Variants in CACNB1 observed in about 807,000 individuals in gnomAD.
CACNB1 encodes the protein calcium voltage-gated channel auxiliary subunit beta 1.
CACNB1 carries 29 observed loss-of-function variants against 71.6 expected under a neutral mutation model. The observed-to-expected ratio is 0.40, with a 90% CI of 0.30 to 0.55. The LOEUF is 0.55. Among genes scored for constraint, CACNB1 ranks in the 20% least tolerant of loss-of-function variants. The pLI, the probability that CACNB1 is intolerant of heterozygous loss-of-function variation, is 0.38. For synonymous variants in CACNB1, 300 were observed against 319.6 expected, an observed-to-expected ratio of 0.94 and a Z score of 0.65; for missense variants, 623 against 801.8, an observed-to-expected ratio of 0.78 and a Z score of 2.69.
chr17:39,183,880 C>T lies in CACNB1; in HGVS notation c.899-16G>A, dbSNP rs748822887. ...TGCACCTCAGCTGGGGGCATGGAGTCATGTGGATGGGGGAATGTCAGGTGG... is the reference window on the plus strand; with the variant it reads ...TGCACCTCAGCTGGGGGCATGGAGTTATGTGGATGGGGGAATGTCAGGTGG... On this transcript the variant is annotated splice_polypyrimidine_tract_variant and intron_variant, in intron 10 of 13. Coordinates refer to ENST00000394303, the MANE Select transcript of CACNB1 (RefSeq NM_000723.5). The T allele has an allele frequency of 6.8e-6, 11 of 1,609,108 alleles. No homozygotes were observed. The highest frequency in any genetic ancestry group is 8.5e-6 in the Non-Finnish European group (10 of 1,176,324).
At chr17:39,188,273 A>G (rs1597707911) in intron 3 of CACNB1, among the ~76,000 whole-genome samples, 1 of 150,974 alleles carries the variant, frequency 6.6e-6, no homozygotes, top group East Asian at 2.0e-4. Flanking sequence ...ACGGAGCAAG[A>G]CTCTGTCTAA....
intron 11 of CACNB1, among the ~76,000 whole-genome samples, chr17:39,183,353 AAG>A (rs199669533): frequency 0.05 from 7,536 of 151,800 alleles, 305 homozygotes; most frequent in Non-Finnish European, 0.074. Flanking sequence ...GAAGAAGAAG[AAG>A]AAGAAGAAGA....
intron 1 of CACNB1, among the ~76,000 whole-genome samples, chr17:39,197,115 C>G (rs1031415368): frequency 6.6e-6 from 1 of 152,116 alleles, no homozygotes; most frequent in African/African-American, 2.4e-5. Flanking sequence ...TCCACCAGCA[C>G]CCCCACGCTC....
At chr17:39,188,828 A>G (rs2046004490) in intron 3 of CACNB1, among the ~76,000 whole-genome samples, 1 of 151,748 alleles carries the variant, frequency 6.6e-6, no homozygotes, top group Non-Finnish European at 1.5e-5. Context: ...GGATCACTTG[A>G]GGTCAAAAGT....
rs778357476 is a variant in CACNB1 at position 39,184,038 on chromosome 17, G to A, written c.891C>T (p.Ser297=). ...HIIIERSNTR[S]SLAEVQSEIE... is the part of the protein sequence containing the mutation. ...CAGCAGGAGTAGGCTCACCCAGGCT[G>A]GAGCGTGTGTTGGAGCGCTCAATGA... The change falls in exon 10 of 14, where the codon TCC becomes TCT. Residue 297 remains serine, a synonymous_variant. Coordinates refer to ENST00000394303, the MANE Select transcript of CACNB1 (RefSeq NM_000723.5). 2 of 1,609,790 alleles carry A rather than the reference G, an allele frequency of 1.2e-6. No individual in the cohort carries two copies. The highest frequency in any genetic ancestry group is 3.3e-5 in the Admixed American group (2 of 60,012).
Position 39,194,265 on chromosome 17 carries a change from A to G in CACNB1, c.171+619T>C, listed in dbSNP as rs930458084. On this transcript the variant is annotated intron_variant, in intron 2 of 13. Coordinates refer to ENST00000394303, the MANE Select transcript of CACNB1 (RefSeq NM_000723.5). The surrounding 1 kb of genome is among the most constrained non-coding windows in gnomAD (Gnocchi z 4.6). ...GAGAGCAGCCGCTTACTGACTGAGC[A>G]CAGAAGACCCCAGAAAGCTATTCTC... Among the ~76,000 whole-genome samples the G allele has an allele frequency of 2.0e-5, 3 of 152,152 alleles. No individual in the cohort carries two copies. The highest frequency in any genetic ancestry group is 4.4e-5 in the Non-Finnish European group (3 of 68,028).
Position 39,175,023 on chromosome 17 carries a change from T to A in CACNB1, c.*170A>T. On this transcript the variant is annotated 3_prime_UTR_variant, in exon 14 of 14. Transcript: ENST00000394303. This position sits in a 1 kb window ranked among gnomAD's most constrained non-coding sequence, Gnocchi z 4.7. ...AACCGACAGCTGGGGCTTAAGGGCC[T>A]CCCGGGAGCTGGGATGGTAACACCA... 2 of 627,374 alleles carry A rather than the reference T, an allele frequency of 3.2e-6. No individual in the cohort carries two copies. Among genetic ancestry groups the A allele is most frequent in the Admixed American group, 6.0e-5 (2 of 33,392 alleles). The allele number at this position is 627,374 out of a possible 1,614,324, so 38.9% of individuals were successfully genotyped here. A position where few individuals can be genotyped will look rare whatever the true frequency, so the allele number is the denominator to read the frequency against.
chr17:39,184,506 C>A (rs905654362), intron 8 of CACNB1, 123 bp from the exon 9 acceptor site: 1 of 674,630 alleles, frequency 1.5e-6, no homozygotes, highest in African/African-American at 1.8e-5. Context: ...GCCTTTACGG[C>A]GGGCGGGGGT....
chr17:39,185,899 A>T (rs977150555), intron 6 of CACNB1: 16 of 1,576,658 alleles, frequency 1.0e-5, no homozygotes, highest in Non-Finnish European at 1.4e-5. Flanking sequence ...CCCTCCACCA[A>T]AGTGCTGGCC....
chr17:39,191,444 C>G, intron 3 of CACNB1, 30 bp downstream of exon 3: 3 of 1,577,968 alleles, frequency 1.9e-6, no homozygotes, highest in Non-Finnish European at 2.6e-6. Context: ...GAAATCATGC[C>G]AGCACAGCCC....
At position 39,175,710 on chromosome 17, in the gene CACNB1, AAC is replaced by A. The variant is rs2144073970; in HGVS notation, c.1333-55_1333-54del. The A allele has an allele frequency of 7.2e-7, 1 of 1,382,136 alleles. No homozygotes were observed. The highest frequency in any genetic ancestry group is 1.4e-5 in the South Asian group (1 of 72,704). The allele number at this position is 1,382,136 out of a possible 1,614,324, so 85.6% of individuals were successfully genotyped here. A position where few individuals can be genotyped will look rare whatever the true frequency, so the allele number is the denominator to read the frequency against. ...ATGCAGATCAGGCAGGGGTGAGAAA[AAC>A]ACAACAAAGCAAGGCAAGTTAGTGA... On this transcript the variant is annotated intron_variant, in intron 13 of 13. Transcript: ENST00000394303. The surrounding 1 kb of genome is among the most constrained non-coding windows in gnomAD (Gnocchi z 4.7).
chr17:39,179,280 CAA>C (rs35292368), intron 11 of CACNB1, among the ~76,000 whole-genome samples: 985 of 48,590 alleles, frequency 0.02, 7 homozygotes, highest in African/African-American at 0.061. Flanking sequence ...GACTCCGTCT[CAA>C]AAAAAAAAAA....
chr17:39,191,791 G>A (rs1427866200), intron 2 of CACNB1, 198 bp from the exon 3 acceptor site: 16 of 556,458 alleles, frequency 2.9e-5, no homozygotes, highest in Non-Finnish European at 4.6e-5. Context: ...GGAAAGTGTG[G>A]CCCTAGTGAG....
chr17:39,178,645 A>G (rs1415916763), intron 11 of CACNB1, among the ~76,000 whole-genome samples: 1 of 151,976 alleles, frequency 6.6e-6, no homozygotes, highest in Non-Finnish European at 1.5e-5. Flanking sequence ...AGCCTCTCAA[A>G]GTGCTGGGAT....
chr17:39,186,409 A>G lies in CACNB1; in HGVS notation c.628+87T>C. 3.3e-6 allele frequency: 3 copies of G among 917,056 alleles called. No individual in the cohort carries two copies. Among genetic ancestry groups the G allele is most frequent in the Non-Finnish European group, 5.1e-6 (3 of 586,846 alleles). The allele number at this position is 917,056 out of a possible 1,614,324, so 56.8% of individuals were successfully genotyped here. ...GGGACTCAGGATTGGGGTGTTTCCT[A>G]CTGCAGGGAAAGGAGGATTCAGGGA... On this transcript the variant is annotated intron_variant, in intron 6 of 13. Transcript: ENST00000394303. The surrounding 1 kb of genome is among the most constrained non-coding windows in gnomAD (Gnocchi z 4.1).
intron 11 of CACNB1, among the ~76,000 whole-genome samples, chr17:39,182,153 CCTT>C (rs2045782867): frequency 6.9e-6 from 1 of 143,932 alleles, no homozygotes; most frequent in Admixed American, 6.9e-5. Flanking sequence ...GAGTGAGACT[CCTT>C]CTCAAAAAGA....
Position 39,183,832 on chromosome 17 carries a change from C to A in CACNB1, c.931G>T (p.Glu311Ter). ...ACCAACTGAAGGGTCCGGGCCAGCT[C>A]GAAGATTCGCTCGATTTCACTCTGC... is the stretch of plus-strand genomic sequence containing the variant. ...EVQSEIERIF[E>*]LARTLQLVAL... Residue 311 changes from glutamate (E) to a stop codon, truncating the protein, a stop_gained, in exon 11 of 14, where the codon GAG becomes TAG. Coordinates refer to ENST00000394303, the MANE Select transcript of CACNB1 (RefSeq NM_000723.5). LOFTEE classifies it high-confidence loss of function. 1 of 1,613,824 alleles carries A rather than the reference C, an allele frequency of 6.2e-7. No homozygotes were observed. The highest frequency in any genetic ancestry group is 8.5e-7 in the Non-Finnish European group (1 of 1,179,852).
At chr17:39,183,034 T>C (rs1037903272) in intron 11 of CACNB1, 1 of 779,878 alleles carries the variant, frequency 1.3e-6, no homozygotes, top group Non-Finnish European at 1.6e-6. Flanking sequence ...TTAATGGTGC[T>C]GCAATACAAG....
At chr17:39,185,619 T>C (rs2045918005) in intron 6 of CACNB1, among the ~76,000 whole-genome samples, 1 of 147,992 alleles carries the variant, frequency 6.8e-6, no homozygotes, top group Non-Finnish European at 1.5e-5. Context: ...TGCCATCCCA[T>C]GTCCTGCTTC....
Sources: allele counts gnomAD v4.1 joint callset (sites outside exome capture counted in the v4.1 genomes callset), GRCh38; gene constraint gnomAD v4.1.1; non-coding constraint Gnocchi (gnomAD v3.1); transcripts MANE v1.5; gene names NCBI Gene and HGNC (gene_info 2026-07-23, HGNC 2026-07-21).